The following ACTN1 variants were observed in gnomAD, a reference collection of about 807,000 sequenced individuals.
ACTN1 encodes actinin alpha 1.
Under a neutral mutation model 119.6 loss-of-function variants are expected in ACTN1, and 30 were observed. The observed-to-expected ratio is 0.25, with a 90% confidence interval of 0.19 to 0.34. The LOEUF is 0.34. Among genes scored for constraint, ACTN1 ranks in the 10% least tolerant of loss-of-function variants. ACTN1 has a pLI of 1.00. For missense variants in ACTN1, 764 were observed against 1,223.4 expected (o/e 0.62, Z 5.60); for synonymous variants, 429 against 472.6 (o/e 0.91, Z 1.20).
intron 1 of ACTN1, among the ~76,000 whole-genome samples, chr14:68,962,813 C>A (rs1330739930): frequency 6.6e-6 from 1 of 152,222 alleles, no homozygotes; most frequent in African/African-American, 2.4e-5. Context: ...TCCGCACCCG[C>A]TGTGTGGGTT....
chr14:68,906,562 G>A (rs2033678490), intron 6 of ACTN1, among the ~76,000 whole-genome samples: 1 of 152,120 alleles, frequency 6.6e-6, no homozygotes, highest in South Asian at 2.1e-4. Flanking sequence ...TCTCATCCAG[G>A]GCCTGGAGCA....
chr14:68,936,636 C>CAGAGCCCATGGGGGA (rs1414021343), intron 1 of ACTN1: 38 of 609,716 alleles, frequency 6.2e-5, no homozygotes, highest in Non-Finnish European at 1.1e-4. Context: ...GAGTTCGTGG[C>CAGAGCCCATGGGGGA]AGAGCCCATG....
rs1041207163 is a variant in ACTN1, at chr14:68,953,362, C to T, written c.105+25590G>A. Among the ~76,000 whole-genome samples, 7 of 152,160 alleles carry T rather than the reference C, an allele frequency of 4.6e-5. No homozygotes were observed. In the East Asian group the frequency reaches 1.2e-3, roughly 25 times the overall value. On this transcript the variant is annotated intron_variant, in intron 1 of 21. Coordinates refer to ENST00000394419, the MANE Select transcript of ACTN1 (RefSeq NM_001130004.2). ...ACTCCCTACCCTCAGCCTCCATGTC[C>T]CCCACTCCATGCCTGAGCCATGCAT... is the stretch of plus-strand genomic sequence containing the variant.
rs750725722 is a variant in ACTN1, at chr14:68,877,164, A to G, written c.2504T>C (p.Ile835Thr). The change falls in exon 21 of 22, where the codon ATT becomes ACT. Residue 835 changes from isoleucine to threonine, a missense_variant. Ile to Thr is a moderately conservative substitution (Grantham distance 89). Coordinates refer to ENST00000394419, the MANE Select transcript of ACTN1 (RefSeq NM_001130004.2). ...GGCTGTCTCGCGGGACATGAAGTCA[A>G]TGAAGGCCTGGAATGTCACTACCCC... ...RLGVVTFQAF[I>T]DFMSRETADT... The G allele has an allele frequency of 7.4e-6, 12 of 1,614,200 alleles. No homozygotes were observed. The highest frequency in any genetic ancestry group is 1.1e-5 in the South Asian group (1 of 91,082).
Position 68,925,318 on chromosome 14 carries a change from CTTTTTTTTTTT to C in ACTN1, c.220+229_220+239del, listed in dbSNP as rs36108835. Reference sequence around the variant, plus strand: ...GAAGGAACCTCAGTTCCTTCAAACCCTTTTTTTTTTTTTTTTTTTTTTTAAAACAAACAAGG... The same window carrying C: ...GAAGGAACCTCAGTTCCTTCAAACCCTTTTTTTTTTTTAAAACAAACAAGG... On this transcript the variant is annotated intron_variant, in intron 2 of 21. Coordinates refer to ENST00000394419, the MANE Select transcript of ACTN1 (RefSeq NM_001130004.2). The surrounding 1 kb of genome is among the most constrained non-coding windows in gnomAD (Gnocchi z 4.3). 8.2e-6 allele frequency among the ~76,000 whole-genome samples: 1 copy of C among 121,260 alleles called. No homozygotes were observed. Among genetic ancestry groups the C allele is most frequent in the Admixed American group, 8.8e-5 (1 of 11,392 alleles). 79.6% of individuals were successfully genotyped at this position (121,260 alleles called of 152,430 possible).
intron 1 of ACTN1, 150 bp downstream of exon 1, chr14:68,978,802 C>T (rs973597370): frequency 6.2e-6 from 3 of 484,764 alleles, no homozygotes; most frequent in Non-Finnish European, 7.0e-6. Context: ...TAACCCAACA[C>T]CCCACCTCGC....
chr14:68,968,807 T>G (rs1020750517), intron 1 of ACTN1, among the ~76,000 whole-genome samples: 4 of 152,214 alleles, frequency 2.6e-5, no homozygotes, highest in Admixed American at 1.3e-4. Flanking sequence ...GAGGATTACA[T>G]TAATAGCTGC....
chr14:68,968,656 G>A (rs745728735), intron 1 of ACTN1, among the ~76,000 whole-genome samples: 11 of 152,212 alleles, frequency 7.2e-5, no homozygotes, highest in Non-Finnish European at 1.3e-4. Flanking sequence ...ATAAAAATCT[G>A]AAGCCAACAT....
chr14:68,936,501 T>G lies in ACTN1; in HGVS notation c.106-10829A>C, dbSNP rs566163867. ...TGTACCAAAATGTGCTGTCATTACC[T>G]TTTTTTTTTTTTTAAGTATGCAAAT... On this transcript the variant is annotated intron_variant, in intron 1 of 21. Coordinates refer to ENST00000394419, the MANE Select transcript of ACTN1 (RefSeq NM_001130004.2). 2.2e-4 allele frequency: 13 copies of G among 58,068 alleles called. No individual in the cohort carries two copies. The East Asian group carries it at 3.1e-3, about 14-fold the overall frequency. The allele number at this position is 58,068 out of a possible 1,614,324, so 3.6% of individuals were successfully genotyped here. A position where few individuals can be genotyped will look rare whatever the true frequency, so the allele number is the denominator to read the frequency against.
At chr14:68,900,628 TGGTATCCGCTATGCCCA>T (rs1399701519) in intron 8 of ACTN1, among the ~76,000 whole-genome samples, 1 of 151,972 alleles carries the variant, frequency 6.6e-6, no homozygotes, top group African/African-American at 2.4e-5. Context: ...CTCTCGCTTG[TGGTATCCGCTATGCCCA>T]GGGCATAGGG....
At chr14:68,975,736 C>A (rs1420976290) in intron 1 of ACTN1, among the ~76,000 whole-genome samples, 2 of 152,220 alleles carry the variant, frequency 1.3e-5, no homozygotes, top group Admixed American at 1.3e-4. Context: ...CTCTAATCCA[C>A]GTGCTCTGTC....
At chr14:68,970,006 C>G (rs2036831122) in intron 1 of ACTN1, among the ~76,000 whole-genome samples, 1 of 152,124 alleles carries the variant, frequency 6.6e-6, no homozygotes, top group African/African-American at 2.4e-5. Flanking sequence ...CTGTCTCACT[C>G]CCATCAATTA....
intron 8 of ACTN1, among the ~76,000 whole-genome samples, chr14:68,896,064 A>C (rs1431044836): frequency 6.6e-6 from 1 of 152,172 alleles, no homozygotes; most frequent in Non-Finnish European, 1.5e-5. Flanking sequence ...CTTCAGAAAT[A>C]ACACACAAGT....
In ACTN1 at chr14:68,928,621, G is replaced by C. The variant is rs142488809; in HGVS notation, c.106-2949C>G. On this transcript the variant is annotated intron_variant, in intron 1 of 21. Coordinates refer to ENST00000394419, the MANE Select transcript of ACTN1 (RefSeq NM_001130004.2). ...TTCCCTTTGCAGTAAAACAGGGATA[G>C]TAACAGCGCTCCATAAAAGTTAAAA... is the stretch of plus-strand genomic sequence containing the variant. Among the ~76,000 whole-genome samples the C allele has an allele frequency of 3.0e-3, 454 of 152,306 alleles. 2 individuals are homozygous for C. Among genetic ancestry groups the C allele is most frequent in the Non-Finnish European group, 4.5e-3 (308 of 68,030 alleles).
rs531463230 is a variant in ACTN1 at position 68,903,667 on chromosome 14, C to G, written c.676+988G>C. Among the ~76,000 whole-genome samples the G allele has an allele frequency of 6.6e-5, 10 of 152,280 alleles. No homozygotes were observed. In the East Asian group the frequency reaches 1.7e-3, roughly 26 times the overall value. Reference sequence around the variant, plus strand: ...AGCAGTTGGGGCCAAGGAGAGCACACAGGGAAGGGGCTGTGGTGAGTCAGG... The same window carrying G: ...AGCAGTTGGGGCCAAGGAGAGCACAGAGGGAAGGGGCTGTGGTGAGTCAGG... On this transcript the variant is annotated intron_variant, in intron 7 of 21. Coordinates refer to ENST00000394419, the MANE Select transcript of ACTN1 (RefSeq NM_001130004.2).
rs1468741326 is a variant in ACTN1 at position 68,978,264 on chromosome 14, G to C, written c.105+688C>G. 3 of 455,294 alleles carry C rather than the reference G, an allele frequency of 6.6e-6. No homozygotes were observed. The East Asian group carries it at 2.1e-4, about 32-fold the overall frequency. The allele number at this position is 455,294 out of a possible 1,614,324, so 28.2% of individuals were successfully genotyped here. On this transcript the variant is annotated intron_variant, in intron 1 of 21. Transcript: ENST00000394419. Reference sequence around the variant, plus strand: ...AGGACGTAGCGCAAGCCCATGTCGGGGTTACAGCTTCCAACCCACTGAGTT... The same window carrying C: ...AGGACGTAGCGCAAGCCCATGTCGGCGTTACAGCTTCCAACCCACTGAGTT...
intron 1 of ACTN1, chr14:68,978,744 G>A (rs1566688724): frequency 2.7e-6 from 1 of 376,312 alleles, no homozygotes; most frequent in Non-Finnish European, 4.7e-6. Flanking sequence ...CCGGCCCGGC[G>A]TTCCCGGGCT....
intron 10 of ACTN1, among the ~76,000 whole-genome samples, chr14:68,891,402 C>G (rs1331807935): frequency 6.6e-6 from 1 of 152,156 alleles, no homozygotes; most frequent in African/African-American, 2.4e-5. Context: ...CCTAAAGCAG[C>G]TTATTATATA....
At position 68,884,163 on chromosome 14, in the gene ACTN1, C is replaced by T. The variant is rs1594757987; in HGVS notation, c.1635+5G>A. On this transcript the variant is annotated splice_donor_5th_base_variant and intron_variant, in intron 14 of 21. Coordinates refer to ENST00000394419, the MANE Select transcript of ACTN1 (RefSeq NM_001130004.2). ...CAGCCTCCGGGGAGTGGAGGTGGGG[C>T]TCACCTGGATCTCCTCAATGGTGTG... is the stretch of plus-strand genomic sequence containing the variant. 3 of 1,609,476 alleles carry T rather than the reference C, an allele frequency of 1.9e-6. No individual in the cohort carries two copies. Among genetic ancestry groups the T allele is most frequent in the Admixed American group, 1.7e-5 (1 of 59,784 alleles).
Sources: gnomAD v4.1 joint callset for allele counts (sites outside exome capture counted in the v4.1 genomes callset) on GRCh38, gnomAD v4.1.1 for gene constraint, Gnocchi (gnomAD v3.1) non-coding constraint, MANE v1.5 for transcripts, NCBI Gene and HGNC (gene_info 2026-07-23, HGNC 2026-07-21) for gene names.